The following CLEC16A variants were observed in gnomAD, a reference collection of about 807,000 sequenced individuals.
CLEC16A encodes C-type lectin domain containing 16A.
A neutral mutation model predicts 109.5 loss-of-function variants in CLEC16A; 51 were observed. That is an observed-to-expected ratio of 0.47 (90% confidence interval 0.37 to 0.59). The LOEUF is 0.59. Ranked by LOEUF, CLEC16A falls within the 20% of genes least tolerant of loss-of-function variation. The pLI, the probability that CLEC16A is intolerant of heterozygous loss-of-function variation, is 0.00. For synonymous variants in CLEC16A, 673 were observed against 564.2 expected, an observed-to-expected ratio of 1.19 and a Z score of -2.73; for missense variants, 1,339 against 1,394.0, an observed-to-expected ratio of 0.96 and a Z score of 0.63.
At chr16:10,957,942 T>A (rs373578886) in intron 2 of CLEC16A, 32 bp downstream of exon 2, 11 of 1,603,726 alleles carry the variant, frequency 6.9e-6, no homozygotes, top group African/African-American at 5.4e-5. Flanking sequence ...TGTTCTTTGA[T>A]TATTCTTCTT....
chr16:10,973,134 A>G lies in CLEC16A; in HGVS notation c.728+73A>G, dbSNP rs77067140. ...GGGAGAATTCTGTTTTCATCAAGGA[A>G]AAATAAACACAAGAACCGCACTTCC... On this transcript the variant is annotated intron_variant, in intron 7 of 23. Coordinates refer to ENST00000409790, the MANE Select transcript of CLEC16A (RefSeq NM_015226.3). 6 of 1,505,974 alleles carry G rather than the reference A, an allele frequency of 4.0e-6. No individual in the cohort carries two copies. The African/African-American group carries it at 5.6e-5, about 14-fold the overall frequency. The allele number at this position is 1,505,974 out of a possible 1,614,324, so 93.3% of individuals were successfully genotyped here. A position where few individuals can be genotyped will look rare whatever the true frequency, so the allele number is the denominator to read the frequency against.
At chr16:11,113,942 A>G (rs575767524) in intron 19 of CLEC16A, among the ~76,000 whole-genome samples, 13 of 152,342 alleles carry the variant, frequency 8.5e-5, no homozygotes, top group African/African-American at 3.1e-4. Flanking sequence ...TTCGGTTTTA[A>G]TAAATAATGC....
chr16:11,157,958 A>G (rs369800442), intron 22 of CLEC16A, among the ~76,000 whole-genome samples: 1 of 152,138 alleles, frequency 6.6e-6, no homozygotes, highest in Non-Finnish European at 1.5e-5. Flanking sequence ...AGAAGGTTCT[A>G]TGTCACCTGC....
At chr16:10,984,837 G>A (rs1298045350) in intron 10 of CLEC16A, among the ~76,000 whole-genome samples, 1 of 152,202 alleles carries the variant, frequency 6.6e-6, no homozygotes, top group Non-Finnish European at 1.5e-5. Context: ...TCTCGGGCAG[G>A]TTGTTTCACT....
At chr16:11,139,998 CA>C (rs1168265427) in intron 22 of CLEC16A, among the ~76,000 whole-genome samples, 1 of 152,226 alleles carries the variant, frequency 6.6e-6, no homozygotes, top group Non-Finnish European at 1.5e-5. Flanking sequence ...AAGCAAGAGT[CA>C]GAAAGCAAGG....
chr16:11,039,720 A>G (rs765023594), intron 13 of CLEC16A, 34 bp from the exon 14 acceptor site: 2 of 1,573,034 alleles, frequency 1.3e-6, no homozygotes, highest in Non-Finnish European at 1.7e-6. Flanking sequence ...GGTAGTCAGG[A>G]GGCCTCCACT....
At chr16:10,988,824 C>T (rs567434344) in intron 10 of CLEC16A, among the ~76,000 whole-genome samples, 4 of 152,086 alleles carry the variant, frequency 2.6e-5, no homozygotes, top group Non-Finnish European at 5.9e-5. Flanking sequence ...AATTAAGTGC[C>T]GTGTAAAGTG....
intron 1 of CLEC16A, among the ~76,000 whole-genome samples, chr16:10,953,258 G>T (rs1004338263): frequency 2.0e-5 from 3 of 152,234 alleles, no homozygotes; most frequent in Non-Finnish European, 4.4e-5. Context: ...CAATGGTGGC[G>T]CTGGAGTGCA....
chr16:11,157,849 C>T (rs956163587), intron 22 of CLEC16A, among the ~76,000 whole-genome samples: 1 of 152,148 alleles, frequency 6.6e-6, no homozygotes, highest in South Asian at 2.1e-4. Context: ...GGGTAGCCCC[C>T]CACTGAGTAG....
intron 22 of CLEC16A, among the ~76,000 whole-genome samples, chr16:11,133,923 G>A (rs1246413654): frequency 6.6e-6 from 1 of 152,156 alleles, no homozygotes; most frequent in East Asian, 1.9e-4. Context: ...GGGTCCGTGA[G>A]TTATGGAAAT....
intron 19 of CLEC16A, among the ~76,000 whole-genome samples, chr16:11,077,963 ACGTGT>A (rs1274070815): frequency 1.1e-4 from 13 of 122,216 alleles, no homozygotes; most frequent in African/African-American, 4.4e-4. Context: ...ACAAAAAAAA[ACGTGT>A]GTGTGTGTGT....
At position 11,099,415 on chromosome 16, in the gene CLEC16A, C is replaced by G. The variant is rs111624019; in HGVS notation, c.2117-21200C>G. 2.6e-3 allele frequency among the ~76,000 whole-genome samples: 398 copies of G among 152,348 alleles called. 1 individual carries two copies. The highest frequency in any genetic ancestry group is 8.4e-3 in the African/African-American group (348 of 41,572). On this transcript the variant is annotated intron_variant, in intron 19 of 23. Transcript: ENST00000409790. Reference sequence around the variant, plus strand: ...ACTGTCACACCACATTTCAAGTGCTCAGTCGTGGATAGCAAGACAACGGAA... The same window carrying G: ...ACTGTCACACCACATTTCAAGTGCTGAGTCGTGGATAGCAAGACAACGGAA...
intron 12 of CLEC16A, among the ~76,000 whole-genome samples, chr16:11,023,026 A>ACTG (rs2046208624): frequency 6.6e-6 from 1 of 150,552 alleles, no homozygotes; most frequent in African/African-American, 2.4e-5. Context: ...TAAAAAGCAT[A>ACTG]AAGGGGGAAA....
intron 19 of CLEC16A, among the ~76,000 whole-genome samples, chr16:11,079,621 C>T (rs755716892): frequency 1.3e-5 from 2 of 152,186 alleles, no homozygotes; most frequent in Non-Finnish European, 2.9e-5. Context: ...ACTACCTATA[C>T]CCTGGCCTTT....
intron 23 of CLEC16A, among the ~76,000 whole-genome samples, chr16:11,169,080 A>G (rs2068395627): frequency 6.6e-6 from 1 of 152,174 alleles, no homozygotes. Context: ...CCTGGACAGC[A>G]GAAGACAGCT....
intron 22 of CLEC16A, among the ~76,000 whole-genome samples, chr16:11,163,286 G>A (rs1330959486): frequency 2.0e-5 from 3 of 152,294 alleles, no homozygotes; most frequent in Non-Finnish European, 2.9e-5. Flanking sequence ...CAGGTGGGGG[G>A]CCTTGGCCAT....
intron 23 of CLEC16A, among the ~76,000 whole-genome samples, chr16:11,167,937 G>A (rs776928385): frequency 3.3e-5 from 5 of 152,140 alleles, no homozygotes; most frequent in African/African-American, 9.7e-5. Flanking sequence ...GCTCAGGGGC[G>A]GGCATGCAGG....
rs1790597360 is a variant in CLEC16A, at chr16:11,052,503, G to A, written c.1995+862G>A. Reference sequence around the variant, plus strand: ...GCTGGTGGTTCTACCTCGGAAGCCTGGGGGTGCAGAGGAAGTGGGACCCAT... The same window carrying A: ...GCTGGTGGTTCTACCTCGGAAGCCTAGGGGTGCAGAGGAAGTGGGACCCAT... On this transcript the variant is annotated intron_variant, in intron 18 of 23. Coordinates refer to ENST00000409790, the MANE Select transcript of CLEC16A (RefSeq NM_015226.3). Among the ~76,000 whole-genome samples the A allele has an allele frequency of 2.6e-5, 4 of 152,294 alleles. No individual in the cohort carries two copies. The South Asian group carries it at 6.2e-4, about 24-fold the overall frequency.
chr16:11,009,011 A>G (rs1204299658), intron 11 of CLEC16A, among the ~76,000 whole-genome samples: 1 of 152,032 alleles, frequency 6.6e-6, no homozygotes, highest in African/African-American at 2.4e-5. Flanking sequence ...AAAAAATAAA[A>G]AAGTACATTC....
Sources: allele counts gnomAD v4.1 joint callset (sites outside exome capture counted in the v4.1 genomes callset), GRCh38; gene constraint gnomAD v4.1.1; transcripts MANE v1.5; gene names NCBI Gene and HGNC (gene_info 2026-07-23, HGNC 2026-07-21).